Variants in ESR2 observed in about 807,000 individuals in gnomAD.
ESR2 encodes estrogen receptor beta.
A neutral mutation model predicts 49.6 loss-of-function variants in ESR2; 36 were observed. The observed-to-expected ratio is 0.73, with a 90% CI of 0.56 to 0.96. The LOEUF is 0.96. Ranked by LOEUF, ESR2 falls within the 40% of genes least tolerant of loss-of-function variation. The pLI is 0.00. For missense variants in ESR2, 714 were observed against 693.0 expected (o/e 1.03, Z -0.34); for synonymous variants, 320 against 266.1 (o/e 1.20, Z -1.97).
intron 6 of ESR2, 86 bp downstream of exon 6, chr14:64,257,140 A>T: frequency 7.8e-7 from 1 of 1,276,220 alleles, no homozygotes; most frequent in South Asian, 1.3e-5. Flanking sequence ...GTGAGATTTT[A>T]ATTGCAGCAC....
At chr14:64,279,021 G>C (rs1318921497) in intron 3 of ESR2, among the ~76,000 whole-genome samples, 1 of 152,130 alleles carries the variant, frequency 6.6e-6, no homozygotes. Flanking sequence ...CTACCTGGAG[G>C]CTTCATCTGC....
chr14:64,269,804 G>A (rs2076402828), intron 3 of ESR2, among the ~76,000 whole-genome samples: 1 of 152,112 alleles, frequency 6.6e-6, no homozygotes, highest in Admixed American at 6.6e-5. Context: ...CTAAGACAAT[G>A]GTACTTTTAA....
chr14:64,274,315 T>A (rs1349904364), intron 3 of ESR2, among the ~76,000 whole-genome samples: 1 of 152,174 alleles, frequency 6.6e-6, no homozygotes, highest in Non-Finnish European at 1.5e-5. Context: ...GTTTCGGATT[T>A]CTTCATAGTT....
chr14:64,320,673 A>G (rs1383482200), intron 1 of ESR2, among the ~76,000 whole-genome samples: 1 of 152,146 alleles, frequency 6.6e-6, no homozygotes, highest in African/African-American at 2.4e-5. Context: ...CAGGCGGATC[A>G]CCTGAGGTCA....
intron 1 of ESR2, among the ~76,000 whole-genome samples, chr14:64,309,509 G>C (rs1420379368): frequency 6.6e-6 from 1 of 150,946 alleles, no homozygotes; most frequent in Non-Finnish European, 1.5e-5. Flanking sequence ...TACTCTGGAG[G>C]CTGAGGCAGG....
chr14:64,286,258 T>A (rs572210901), intron 1 of ESR2, among the ~76,000 whole-genome samples: 1 of 152,336 alleles, frequency 6.6e-6, no homozygotes, highest in African/African-American at 2.4e-5. Context: ...GTGTTTGGGT[T>A]TTATTTTAAT....
At chr14:64,306,728 G>C (rs1270106526) in intron 1 of ESR2, among the ~76,000 whole-genome samples, 2 of 152,140 alleles carry the variant, frequency 1.3e-5, no homozygotes, top group African/African-American at 4.8e-5. Flanking sequence ...GAAGACTACT[G>C]ATCTGTAGTT....
chr14:64,257,583 T>A (rs531354186), intron 5 of ESR2, among the ~76,000 whole-genome samples: 1 of 152,336 alleles, frequency 6.6e-6, no homozygotes, highest in South Asian at 2.1e-4. Context: ...GAGACAAATA[T>A]ACTTCATTTA....
chr14:64,298,579 G>A (rs566538626), upstream of ESR2: 2 of 152,190 alleles, frequency 1.3e-5, no homozygotes, highest in South Asian at 4.2e-4. Context: ...GTTGGACTGG[G>A]GCCCTCAGAG....
At chr14:64,235,246 G>A in intron 7 of ESR2, 96 bp from the exon 8 acceptor site, 7 of 1,362,458 alleles carry the variant, frequency 5.1e-6, no homozygotes, top group Non-Finnish European at 7.0e-6. Flanking sequence ...AGGTGATCTG[G>A]GTTGCTTTGA....
chr14:64,249,524 G>T (rs369437676), intron 7 of ESR2, 22 bp downstream of exon 7: 3 of 1,611,056 alleles, frequency 1.9e-6, no homozygotes, highest in Non-Finnish European at 2.5e-6. Context: ...ATAAAACATG[G>T]CCCAGCTGTG....
At chr14:64,259,785 A>G (rs7146434) in intron 5 of ESR2, among the ~76,000 whole-genome samples, 62,458 of 152,034 alleles carry the variant, frequency 0.41, 13,074 homozygotes, top group Non-Finnish European at 0.44. Flanking sequence ...ATTTATGTAC[A>G]TAATATTGAT....
intron 6 of ESR2, among the ~76,000 whole-genome samples, chr14:64,253,604 G>GTATA (rs10696080): frequency 0.094 from 13,424 of 142,394 alleles, 698 homozygotes; most frequent in Middle Eastern, 0.13. Context: ...GTGTGTGTGT[G>GTATA]TATGTATGTG....
At chr14:64,296,687 C>T (rs1176762967), upstream of ESR2, among the ~76,000 whole-genome samples, 2 of 152,228 alleles carry the variant, frequency 1.3e-5, no homozygotes, top group East Asian at 3.8e-4. Context: ...TGCCAAGCTT[C>T]TGCTCTGTGT....
At chr14:64,318,621 T>A (rs1596489805) in intron 1 of ESR2, among the ~76,000 whole-genome samples, 1 of 149,230 alleles carries the variant, frequency 6.7e-6, no homozygotes, top group Non-Finnish European at 1.5e-5. Context: ...CAAAATATGC[T>A]GGGTGTGGTG....
At chr14:64,272,147 A>C (rs185327860) in intron 3 of ESR2, among the ~76,000 whole-genome samples, 128 of 152,326 alleles carry the variant, frequency 8.4e-4, no homozygotes, top group Middle Eastern at 3.4e-3. Flanking sequence ...TTCTCTGATA[A>C]TTAATGATGT....
chr14:64,254,092 G>C (rs1028739304), intron 6 of ESR2, among the ~76,000 whole-genome samples: 1 of 150,350 alleles, frequency 6.7e-6, no homozygotes, highest in Non-Finnish European at 1.5e-5. Context: ...AAGTTTTCTT[G>C]TTGTGGACAC....
At position 64,229,769 on chromosome 14, in the gene ESR2, A is replaced by G. The variant is rs1458923242; in HGVS notation, c.*3368T>C. Among the ~76,000 whole-genome samples the G allele has an allele frequency of 6.6e-6, 1 of 152,194 alleles. No individual in the cohort carries two copies. Among genetic ancestry groups the G allele is most frequent in the Non-Finnish European group, 1.5e-5 (1 of 68,032 alleles). ...AAATAAGGAAATAGCAGTTATTATA[A>G]TAAGGATTAAATGTGAATGTCTGAG... On this transcript the variant is annotated 3_prime_UTR_variant, in exon 9 of 9. Coordinates refer to ENST00000341099, the MANE Select transcript of ESR2 (RefSeq NM_001437.3).
intron 4 of ESR2, among the ~76,000 whole-genome samples, chr14:64,263,049 AGAT>A (rs1357573915): frequency 6.6e-6 from 1 of 152,246 alleles, no homozygotes; most frequent in Non-Finnish European, 1.5e-5. Flanking sequence ...TCAAAAAATA[AGAT>A]GATAGAAATG....
Sources: gnomAD v4.1 joint callset for allele counts (sites outside exome capture counted in the v4.1 genomes callset) on GRCh38, gnomAD v4.1.1 for gene constraint, MANE v1.5 for transcripts, NCBI Gene and HGNC (gene_info 2026-07-23, HGNC 2026-07-21) for gene names.